ABCB4: variants seen among roughly 807,000 people sequenced by gnomAD.
ABCB4 encodes phosphatidylcholine translocator ABCB4.
In ABCB4, 76 loss-of-function variants were observed where a neutral mutation model predicts 145.7. The ratio of observed to expected loss-of-function variants is 0.52; its 90% CI spans 0.43 to 0.63. ABCB4 has a LOEUF of 0.63. Among genes scored for constraint, ABCB4 ranks in the 30% least tolerant of loss-of-function variants. The probability of loss-of-function intolerance (pLI) is 0.00; values close to 1 mark genes in which losing one functional copy is unlikely to be tolerated. For synonymous variants in ABCB4, 517 were observed against 566.8 expected, an observed-to-expected ratio of 0.91 and a Z score of 1.25; for missense variants, 1,234 against 1,553.1, an observed-to-expected ratio of 0.79 and a Z score of 3.45.
chr7:87,393,208 G>T, the ABCB4 span: 3 of 861,160 alleles, frequency 3.5e-6, no homozygotes, highest in South Asian at 1.8e-5. Flanking sequence ...TTCCACTTAG[G>T]CATTTAATGC....
the ABCB4 span, chr7:87,375,727 T>G: frequency 6.2e-7 from 1 of 1,613,310 alleles, no homozygotes; most frequent in South Asian, 1.1e-5. Flanking sequence ...TGGGCTAAGG[T>G]TCTGATTTAC....
intron 14 of ABCB4, among the ~76,000 whole-genome samples, chr7:87,433,183 G>A (rs891507735): frequency 4.6e-5 from 7 of 152,218 alleles, no homozygotes; most frequent in Non-Finnish European, 1.0e-4. Flanking sequence ...AAGTAATGTG[G>A]TATTTCTACT....
In ABCB4 at chr7:87,462,814, A is replaced by C; in HGVS notation, c.230T>G (p.Val77Gly). The C allele has an allele frequency of 6.2e-7, 1 of 1,613,970 alleles. No individual in the cohort carries two copies. The highest frequency in any genetic ancestry group is 2.2e-5 in the East Asian group (1 of 44,850). ...HGSGLPLMMI[V>G]FGEMTDKFVD... ...AAATTTGTCAGTCATCTCTCCAAAT[A>C]CTATCATCATGAGGGGGAGACCTGA... is the stretch of plus-strand genomic sequence containing the variant. The change falls in exon 4 of 28, where the codon GTA (valine) becomes GGA (glycine). Residue 77 changes from valine to glycine, a missense_variant. By Grantham distance (109) the Val-to-Gly change is moderately radical. Coordinates refer to ENST00000649586, the MANE Select transcript of ABCB4 (RefSeq NM_000443.4).
the ABCB4 span, among the ~76,000 whole-genome samples, chr7:87,391,883 A>G: frequency 1.3e-5 from 2 of 152,192 alleles, no homozygotes; most frequent in Non-Finnish European, 2.9e-5. Flanking sequence ...TGAAATGTGT[A>G]ATTGGAAACA....
chr7:87,392,478 C>T, the ABCB4 span: 2 of 970,838 alleles, frequency 2.1e-6, no homozygotes, highest in East Asian at 4.8e-5. Flanking sequence ...CCAAATTACC[C>T]CAATCCTAAT....
chr7:87,434,418 T>C (rs1256134407), intron 14 of ABCB4, among the ~76,000 whole-genome samples: 1 of 152,146 alleles, frequency 6.6e-6, no homozygotes, highest in Non-Finnish European at 1.5e-5. Flanking sequence ...ATAGTTGCTA[T>C]CTGTAGAGTC....
intron 3 of ABCB4, 138 bp downstream of exon 3, chr7:87,472,483 C>T: frequency 1.3e-6 from 1 of 759,154 alleles, no homozygotes; most frequent in Admixed American, 2.4e-5. Flanking sequence ...CTCAGTCTCC[C>T]AAAGTGCTGG....
downstream of ABCB4, among the ~76,000 whole-genome samples, chr7:87,397,350 C>A (rs1266635302): frequency 5.6e-4 from 82 of 146,154 alleles, no homozygotes; most frequent in African/African-American, 5.5e-4. Context: ...GACTCTTTCT[C>A]AAAAAAAAAA....
At chr7:87,399,398 C>G (rs540650843), downstream of ABCB4, 2 of 152,314 alleles carry the variant, frequency 1.3e-5, no homozygotes, top group East Asian at 3.9e-4. Context: ...ATCGGTTGAG[C>G]CCAGGAGGTT....
intron 26 of ABCB4, among the ~76,000 whole-genome samples, chr7:87,405,449 C>T (rs6956194): frequency 0.71 from 102,139 of 143,048 alleles, 37,954 homozygotes; most frequent in Middle Eastern, 0.83. Context: ...TTTTTTGAGA[C>T]GGAGTCTCAC....
chr7:87,437,200 G>A (rs1810665859), intron 14 of ABCB4, among the ~76,000 whole-genome samples: 1 of 152,154 alleles, frequency 6.6e-6, no homozygotes, highest in Non-Finnish European at 1.5e-5. Context: ...GAGTTCTGGA[G>A]TCTAATCCTC....
the ABCB4 span, among the ~76,000 whole-genome samples, chr7:87,391,283 C>T: frequency 1.3e-5 from 2 of 152,172 alleles, no homozygotes; most frequent in African/African-American, 4.8e-5. Context: ...CACTGTCTAG[C>T]CTGCGCTCAA....
At chr7:87,396,241 C>A in the ABCB4 span, among the ~76,000 whole-genome samples, 1 of 152,072 alleles carries the variant, frequency 6.6e-6, no homozygotes, top group Non-Finnish European at 1.5e-5. Context: ...CCATCCTGAG[C>A]AATATAGTAA....
chr7:87,447,591 G>T (rs2116756777), intron 8 of ABCB4, among the ~76,000 whole-genome samples: 2 of 152,260 alleles, frequency 1.3e-5, no homozygotes, highest in Non-Finnish European at 2.9e-5. Flanking sequence ...AATGTCACTG[G>T]AACTCATAAA....
intron 12 of ABCB4, among the ~76,000 whole-genome samples, chr7:87,441,400 T>C (rs1810976357): frequency 6.7e-6 from 1 of 148,822 alleles, no homozygotes; most frequent in African/African-American, 2.6e-5. Context: ...TTTTCATTTG[T>C]ATACATTTAT....
chr7:87,423,547 C>T (rs775495671), intron 17 of ABCB4: 4 of 346,942 alleles, frequency 1.2e-5, no homozygotes, highest in Non-Finnish European at 2.2e-5. Context: ...AACTCTATGA[C>T]TTTAACCCCT....
In ABCB4 at chr7:87,472,648, T is replaced by G; in HGVS notation, c.108A>C (p.Thr36=). ...SSKQKRKKTK[T]VKMIGVLTLF... ...ATGTTAATACTCCAATCATTTTCAC[T>G]GTCTTCGTTTTTTTCCTTTTTTGTT... The change falls in exon 3 of 28, where the codon ACA becomes ACC. Residue 36 remains threonine (T), a synonymous_variant. Coordinates refer to ENST00000649586, the MANE Select transcript of ABCB4 (RefSeq NM_000443.4). The G allele has an allele frequency of 6.2e-7, 1 of 1,609,616 alleles. No homozygotes were observed. The highest frequency in any genetic ancestry group is 8.5e-7 in the Non-Finnish European group (1 of 1,176,022).
chr7:87,460,364 T>C (rs1812370577), intron 4 of ABCB4, among the ~76,000 whole-genome samples: 1 of 152,054 alleles, frequency 6.6e-6, no homozygotes, highest in South Asian at 2.1e-4. Flanking sequence ...GATGCTGAGG[T>C]TTGGGATATG....
At chr7:87,471,815 G>A (rs773198368) in intron 3 of ABCB4, among the ~76,000 whole-genome samples, 11 of 152,116 alleles carry the variant, frequency 7.2e-5, no homozygotes, top group African/African-American at 1.4e-4. Context: ...GAAAAGCACC[G>A]AAAACTGTTT....
Sources: allele counts gnomAD v4.1 joint callset (sites outside exome capture counted in the v4.1 genomes callset), GRCh38; gene constraint gnomAD v4.1.1; transcripts MANE v1.5; gene names NCBI Gene and HGNC (gene_info 2026-07-23, HGNC 2026-07-21).